LIPI: variants seen among roughly 807,000 people sequenced by gnomAD.
The protein encoded by LIPI is lipase member I.
LIPI carries 59 observed loss-of-function variants against 50.6 expected under a neutral mutation model. The ratio of observed to expected loss-of-function variants is 1.16; its 90% CI spans 0.94 to 1.45. The LOEUF is 1.45. LIPI is among the 40% of genes most tolerant of loss of function. The pLI is 0.00. For missense variants in LIPI, 586 were observed against 536.3 expected, an observed-to-expected ratio of 1.09 and a Z score of -0.92; for synonymous variants, 203 against 178.2, an observed-to-expected ratio of 1.14 and a Z score of -1.11.
chr21:14,127,289 C>T (rs6516620), intron 9 of LIPI, among the ~76,000 whole-genome samples: 4,163 of 152,220 alleles, frequency 0.027, 184 homozygotes, highest in African/African-American at 0.091. Flanking sequence ...ATGGACAGAT[C>T]TAAATAGGAA....
chr21:14,159,582 G>A (rs2018392748), intron 7 of LIPI, among the ~76,000 whole-genome samples: 2 of 150,712 alleles, frequency 1.3e-5, no homozygotes, highest in South Asian at 4.2e-4. Context: ...TTTTCTCTAA[G>A]GCAAAGGTAT....
chr21:14,197,635 C>A (rs565616107), intron 1 of LIPI, among the ~76,000 whole-genome samples: 4 of 152,162 alleles, frequency 2.6e-5, no homozygotes, highest in Non-Finnish European at 4.4e-5. Flanking sequence ...CCAAATAAAT[C>A]TATGACTCAC....
intron 9 of LIPI, among the ~76,000 whole-genome samples, chr21:14,116,856 G>A (rs575062075): frequency 1.3e-5 from 2 of 152,168 alleles, no homozygotes; most frequent in African/African-American, 2.4e-5. Flanking sequence ...CCAGGAGAAA[G>A]AGTAGCAAGG....
intron 1 of LIPI, among the ~76,000 whole-genome samples, chr21:14,196,032 G>A (rs2019831464): frequency 6.6e-6 from 1 of 151,450 alleles, no homozygotes; most frequent in Non-Finnish European, 1.5e-5. Context: ...TTCTTATAAG[G>A]TTACATGCAC....
Position 14,154,049 on chromosome 21 carries a change from A to G in LIPI, c.1007-1365T>C, listed in dbSNP as rs952662260. Among the ~76,000 whole-genome samples, 7 of 152,310 alleles carry G rather than the reference A, an allele frequency of 4.6e-5. No homozygotes were observed. The South Asian group carries it at 1.5e-3, about 32-fold the overall frequency. On this transcript the variant is annotated intron_variant, in intron 7 of 9. Transcript: ENST00000681601. ...AACTTTGAAGAAGAGCTGATTTCTG[A>G]GAGTTTTTTATATCAAAGATAGACA... is the stretch of plus-strand genomic sequence containing the variant.
chr21:14,157,839 T>G (rs1225258213), intron 7 of LIPI, among the ~76,000 whole-genome samples: 11 of 151,938 alleles, frequency 7.2e-5, no homozygotes, highest in African/African-American at 1.9e-4. Flanking sequence ...TTGACTCTAT[T>G]TTTCTTCTAC....
intron 3 of LIPI, among the ~76,000 whole-genome samples, chr21:14,185,118 A>G (rs2019407007): frequency 2.0e-5 from 3 of 152,186 alleles, no homozygotes; most frequent in African/African-American, 7.2e-5. Flanking sequence ...AGTCACTACC[A>G]CTCATAGAGG....
At chr21:14,119,508 AG>A (rs1389926329) in intron 9 of LIPI, among the ~76,000 whole-genome samples, 2 of 152,124 alleles carry the variant, frequency 1.3e-5, no homozygotes, top group African/African-American at 4.8e-5. Flanking sequence ...GGGAATTCCT[AG>A]GGGCAGCTGG....
intron 7 of LIPI, among the ~76,000 whole-genome samples, chr21:14,154,073 C>T (rs1215693531): frequency 6.6e-6 from 1 of 151,792 alleles, no homozygotes; most frequent in Non-Finnish European, 1.5e-5. Flanking sequence ...CAAAGATAGA[C>T]ATGAATCTCT....
At chr21:14,185,920 A>G (rs201985373) in intron 3 of LIPI, 41 bp downstream of exon 3, 2 of 1,168,504 alleles carry the variant, frequency 1.7e-6, no homozygotes, top group African/African-American at 1.5e-5. Context: ...TCTGATACTT[A>G]AAAGTATGCT....
chr21:14,133,312 G>A (rs1410806131), intron 9 of LIPI, among the ~76,000 whole-genome samples: 1 of 152,156 alleles, frequency 6.6e-6, no homozygotes, highest in African/African-American at 2.4e-5. Flanking sequence ...ATTTATTGCA[G>A]GGATGCAAGG....
chr21:14,144,568 C>G, intron 9 of LIPI, 55 bp downstream of exon 9: 1 of 954,356 alleles, frequency 1.0e-6, no homozygotes, highest in South Asian at 1.4e-5. Flanking sequence ...CTTAAGAAAC[C>G]AATATTTTCA....
At chr21:14,198,708 T>C (rs1214926127) in intron 1 of LIPI, among the ~76,000 whole-genome samples, 2 of 152,104 alleles carry the variant, frequency 1.3e-5, no homozygotes, top group Non-Finnish European at 2.9e-5. Context: ...ATGAGATACA[T>C]TATTGAGACA....
chr21:14,173,177 G>C (rs1223665824), intron 4 of LIPI, among the ~76,000 whole-genome samples: 1 of 152,204 alleles, frequency 6.6e-6, no homozygotes, highest in African/African-American at 2.4e-5. Context: ...AGAAGCCAGC[G>C]TGGCTGAAGT....
chr21:14,208,620 TCGTG>T (rs2020285386), intron 1 of LIPI, among the ~76,000 whole-genome samples: 1 of 151,754 alleles, frequency 6.6e-6, no homozygotes, highest in Non-Finnish European at 1.5e-5. Flanking sequence ...AAAGTTGTAT[TCGTG>T]CACGTGCACA....
chr21:14,193,613 TTAAC>T (rs528426996), intron 1 of LIPI, among the ~76,000 whole-genome samples: 58 of 152,134 alleles, frequency 3.8e-4, no homozygotes, highest in South Asian at 3.5e-3. Flanking sequence ...ATCAAGCAAA[TTAAC>T]TAAGTTAAAA....
intron 7 of LIPI, among the ~76,000 whole-genome samples, chr21:14,158,403 A>G (rs1228720137): frequency 1.3e-5 from 2 of 151,620 alleles, no homozygotes; most frequent in African/African-American, 2.4e-5. Context: ...AAAAGATACA[A>G]CATATCAAAA....
chr21:14,186,730 A>G (rs930355039), intron 2 of LIPI, among the ~76,000 whole-genome samples: 2 of 152,102 alleles, frequency 1.3e-5, no homozygotes, highest in African/African-American at 4.8e-5. Context: ...TGAGTGTGGA[A>G]CCCTCATGAA....
At chr21:14,137,359 A>G (rs1047720545) in intron 9 of LIPI, among the ~76,000 whole-genome samples, 6 of 152,302 alleles carry the variant, frequency 3.9e-5, no homozygotes, top group South Asian at 2.1e-4. Flanking sequence ...AGGAATTCAG[A>G]ATTCTATCAG....
Sources: gnomAD v4.1 joint callset for allele counts (sites outside exome capture counted in the v4.1 genomes callset) on GRCh38, gnomAD v4.1.1 for gene constraint, MANE v1.5 for transcripts, NCBI Gene and HGNC (gene_info 2026-07-23, HGNC 2026-07-21) for gene names.